CSMD1: variants seen among roughly 807,000 people sequenced by gnomAD.
CSMD1 encodes CUB and sushi domain-containing protein 1.
CSMD1 carries 213 observed loss-of-function variants against 417.5 expected under a neutral mutation model. The observed-to-expected ratio is 0.51, with a 90% CI of 0.46 to 0.57. The LOEUF (loss-of-function observed/expected upper bound fraction) is 0.57, where lower values mean the gene tolerates loss of function less well. Ranked by LOEUF, CSMD1 falls within the 20% of genes least tolerant of loss-of-function variation. The probability of loss-of-function intolerance (pLI) is 0.00; values close to 1 mark genes in which losing one functional copy is unlikely to be tolerated. For synonymous variants in CSMD1, 2,862 were observed against 1,736.8 expected (o/e 1.65, Z -16.11); for missense variants, 6,923 against 4,529.7 (o/e 1.53, Z -15.17).
chr8:3,534,587 TA>T (rs60749266), intron 10 of CSMD1, among the ~76,000 whole-genome samples: 18,947 of 151,992 alleles, frequency 0.12, 1,656 homozygotes, highest in African/African-American at 0.23. Flanking sequence ...GTGACTGATC[TA>T]AAAGTTGTGT....
intron 51 of CSMD1, among the ~76,000 whole-genome samples, chr8:3,024,692 T>C (rs1212783595): frequency 6.6e-6 from 1 of 152,194 alleles, no homozygotes; most frequent in Non-Finnish European, 1.5e-5. Context: ...CACCACCACA[T>C]TGCCTGTGTT....
Position 4,068,113 on chromosome 8 carries a change from G to C in CSMD1, c.416-36014C>G, listed in dbSNP as rs570573023. Among the ~76,000 whole-genome samples the C allele has an allele frequency of 2.3e-4, 35 of 152,206 alleles. No individual in the cohort carries two copies. In the East Asian group the frequency reaches 5.6e-3, roughly 24 times the overall value. On this transcript the variant is annotated intron_variant, in intron 3 of 69. Coordinates refer to ENST00000635120, the MANE Select transcript of CSMD1 (RefSeq NM_033225.6). Reference sequence around the variant, plus strand: ...AAAAAAGAAAAAAAGGGACACAACAGTGAGTGTCTTCTTGCAGAGCCACAC... The same window carrying C: ...AAAAAAGAAAAAAAGGGACACAACACTGAGTGTCTTCTTGCAGAGCCACAC...
chr8:3,524,902 A>G (rs1797691377), intron 10 of CSMD1, among the ~76,000 whole-genome samples: 1 of 152,082 alleles, frequency 6.6e-6, no homozygotes, highest in African/African-American at 2.4e-5. Flanking sequence ...GGAGTTAAAA[A>G]TAGTAATAAA....
intron 12 of CSMD1, among the ~76,000 whole-genome samples, chr8:3,424,317 A>C (rs1813684518): frequency 6.6e-6 from 1 of 152,234 alleles, no homozygotes; most frequent in Non-Finnish European, 1.5e-5. Context: ...TTTTGAGTAC[A>C]ATCTGACTTA....
rs578142169 is a variant in CSMD1, at chr8:4,139,596, C to T, written c.416-107497G>A. 5.3e-5 allele frequency among the ~76,000 whole-genome samples: 8 copies of T among 151,194 alleles called. No individual in the cohort carries two copies. The South Asian group carries it at 1.7e-3, about 31-fold the overall frequency. On this transcript the variant is annotated intron_variant, in intron 3 of 69. Coordinates refer to ENST00000635120, the MANE Select transcript of CSMD1 (RefSeq NM_033225.6). ...GCTGCCTATGGAACTGAGTGGGCAT[C>T]AAGGGGACAAGGAGCAGAGGAAGGG...
chr8:4,496,193 T>C (rs1028153631), intron 2 of CSMD1, among the ~76,000 whole-genome samples: 1 of 152,232 alleles, frequency 6.6e-6, no homozygotes, highest in African/African-American at 2.4e-5. Context: ...AATTCCATGT[T>C]TATCCTGCTC....
intron 2 of CSMD1, among the ~76,000 whole-genome samples, chr8:4,471,103 G>C (rs1355588617): frequency 6.6e-6 from 1 of 152,110 alleles, no homozygotes; most frequent in Admixed American, 6.6e-5. Flanking sequence ...TTGTATTTGT[G>C]TGAAATGTTT....
chr8:3,568,102 T>C (rs899400971), intron 10 of CSMD1, among the ~76,000 whole-genome samples: 3 of 152,144 alleles, frequency 2.0e-5, no homozygotes, highest in African/African-American at 7.2e-5. Context: ...ATAATTTCCA[T>C]TATAAATATA....
chr8:3,771,459 G>C (rs576030067), intron 5 of CSMD1, among the ~76,000 whole-genome samples: 8 of 152,178 alleles, frequency 5.3e-5, no homozygotes, highest in African/African-American at 7.2e-5. Flanking sequence ...TTGCTGGTGG[G>C]GGGGCAAGCA....
chr8:4,286,084 T>C (rs1049914155), intron 3 of CSMD1, among the ~76,000 whole-genome samples: 2 of 152,094 alleles, frequency 1.3e-5, no homozygotes, highest in Non-Finnish European at 2.9e-5. Context: ...GCTGGAGAAA[T>C]ACACATTATT....
intron 3 of CSMD1, among the ~76,000 whole-genome samples, chr8:4,379,313 A>G (rs1205710670): frequency 1.3e-5 from 2 of 152,236 alleles, no homozygotes; most frequent in Non-Finnish European, 2.9e-5. Flanking sequence ...AAAGACAAGG[A>G]AAGACTAATT....
chr8:3,485,649 A>C (rs1368769724), intron 11 of CSMD1, among the ~76,000 whole-genome samples: 1 of 151,636 alleles, frequency 6.6e-6, no homozygotes, highest in African/African-American at 2.4e-5. Flanking sequence ...TATCCCAGCT[A>C]CTCCTGAGAC....
chr8:3,728,477 G>A (rs921927669), intron 6 of CSMD1, among the ~76,000 whole-genome samples: 1 of 152,218 alleles, frequency 6.6e-6, no homozygotes, highest in Non-Finnish European at 1.5e-5. Flanking sequence ...TATCGTAACA[G>A]AGTAGCAAAT....
chr8:3,784,999 C>T lies in CSMD1; in HGVS notation c.819-30957G>A, dbSNP rs138695954. Among the ~76,000 whole-genome samples the T allele has an allele frequency of 4.8e-3, 730 of 152,250 alleles. 6 individuals are homozygous for T. The highest frequency in any genetic ancestry group is 0.023 in the South Asian group (109 of 4,822). On this transcript the variant is annotated intron_variant, in intron 5 of 69. Coordinates refer to ENST00000635120, the MANE Select transcript of CSMD1 (RefSeq NM_033225.6). ...GGTAAAATGTCTCTCATGTCAGATT[C>T]TCTAGCTAAACAGTTATAAGTAGAG...
chr8:4,093,892 A>G (rs1443525283), intron 3 of CSMD1, among the ~76,000 whole-genome samples: 2 of 152,130 alleles, frequency 1.3e-5, no homozygotes, highest in East Asian at 1.9e-4. Context: ...CGCAGGAGGC[A>G]GAGGTTTCAG....
At position 3,519,511 on chromosome 8, in the gene CSMD1, G is replaced by C. The variant is rs1797414456; in HGVS notation, c.1345-25785C>G. On this transcript the variant is annotated intron_variant, in intron 10 of 69. Coordinates refer to ENST00000635120, the MANE Select transcript of CSMD1 (RefSeq NM_033225.6). ...ATTCAAACTCCAGCCAGCTTGTCTAGTATACAGCACAGTGTCAGAAAGCTC... is the reference window on the plus strand; with the variant it reads ...ATTCAAACTCCAGCCAGCTTGTCTACTATACAGCACAGTGTCAGAAAGCTC... Among the ~76,000 whole-genome samples the C allele has an allele frequency of 2.0e-5, 3 of 152,202 alleles. No homozygotes were observed. In the South Asian group the frequency reaches 6.2e-4, roughly 32 times the overall value.
At chr8:4,180,068 C>T (rs201750652) in intron 3 of CSMD1, among the ~76,000 whole-genome samples, 1 of 152,026 alleles carries the variant, frequency 6.6e-6, no homozygotes, top group African/African-American at 2.4e-5. Flanking sequence ...CCCAGCCATC[C>T]CATTACTGGG....
At chr8:4,945,850 G>T (rs113625600) in intron 1 of CSMD1, among the ~76,000 whole-genome samples, 1 of 152,166 alleles carries the variant, frequency 6.6e-6, no homozygotes, top group Admixed American at 6.5e-5. Context: ...CCTTGCCACT[G>T]AAACTAGCAG....
At chr8:4,053,655 T>A (rs567040794) in intron 3 of CSMD1, among the ~76,000 whole-genome samples, 4 of 152,224 alleles carry the variant, frequency 2.6e-5, no homozygotes, top group African/African-American at 7.2e-5. Context: ...GTCATATACA[T>A]AGAAACATAC....
Sources: allele counts gnomAD v4.1 joint callset (sites outside exome capture counted in the v4.1 genomes callset), GRCh38; gene constraint gnomAD v4.1.1; transcripts MANE v1.5; gene names NCBI Gene and HGNC (gene_info 2026-07-23, HGNC 2026-07-21).